The following CDC20B variants were observed in gnomAD, a reference collection of about 807,000 sequenced individuals.
The protein encoded by CDC20B is cell division cycle protein 20 homolog B.
Under a neutral mutation model 64.1 loss-of-function variants are expected in CDC20B, and 58 were observed. That is an observed-to-expected ratio of 0.90 (90% CI 0.73 to 1.13). The LOEUF is 1.13. Among genes scored for constraint, CDC20B ranks in the 50% most tolerant of loss-of-function variants. The pLI, the probability that CDC20B is intolerant of heterozygous loss-of-function variation, is 0.00. For synonymous variants in CDC20B, 243 were observed against 230.6 expected, an observed-to-expected ratio of 1.05 and a Z score of -0.49; for missense variants, 597 against 633.0, an observed-to-expected ratio of 0.94 and a Z score of 0.61.
intron 2 of CDC20B, among the ~76,000 whole-genome samples, chr5:55,150,874 T>C (rs1038745986): frequency 1.3e-5 from 2 of 152,080 alleles, no homozygotes; most frequent in Admixed American, 1.3e-4. Context: ...AGCTCACCAG[T>C]AGCTGGGACT....
intron 2 of CDC20B, among the ~76,000 whole-genome samples, chr5:55,156,996 G>A (rs1325001111): frequency 6.6e-6 from 1 of 152,184 alleles, no homozygotes; most frequent in Non-Finnish European, 1.5e-5. Context: ...ACAGTTGCAT[G>A]AGGCTGGCTC....
chr5:55,124,821 G>C lies in CDC20B; in HGVS notation c.1197C>G (p.Thr399=). 1 of 1,614,038 alleles carries C rather than the reference G, an allele frequency of 6.2e-7. No homozygotes were observed. The highest frequency in any genetic ancestry group is 8.5e-7 in the Non-Finnish European group (1 of 1,179,926). ...TTCTTACCTTGACTGCCGTAGACTG[G>C]GTTATGACTTTCAGCGGTTGGCCCT... is the stretch of plus-strand genomic sequence containing the variant. The part of the protein sequence containing the change: ...SAQGQPLKVI[T]QSTAVKAMDW... Residue 399 remains threonine (T), a synonymous_variant, in exon 9 of 12, where the codon ACC becomes ACG. Transcript: ENST00000381375.
chr5:55,164,401 A>AT (rs1023996687), intron 2 of CDC20B: 463 of 377,412 alleles, frequency 1.2e-3, no homozygotes, highest in East Asian at 1.7e-3. Flanking sequence ...GCAATGAAGG[A>AT]TTTTTTTTTA....
At chr5:55,125,300 C>T (rs752260258) in intron 8 of CDC20B, among the ~76,000 whole-genome samples, 18 of 152,080 alleles carry the variant, frequency 1.2e-4, no homozygotes, top group Admixed American at 3.3e-4. Flanking sequence ...ATGTAAGCAG[C>T]GATGGAAAAA....
intron 2 of CDC20B, among the ~76,000 whole-genome samples, chr5:55,147,108 T>G (rs1360812928): frequency 1.4e-5 from 2 of 145,444 alleles, no homozygotes; most frequent in African/African-American, 2.5e-5. Flanking sequence ...TTTTATATAT[T>G]TATATATTAT....
chr5:55,121,512 A>AT (rs1230113713), intron 9 of CDC20B, among the ~76,000 whole-genome samples: 15 of 151,612 alleles, frequency 9.9e-5, no homozygotes, highest in African/African-American at 1.9e-4. Flanking sequence ...GGAAAGGAGT[A>AT]TTTTTTTTGT....
chr5:55,145,712 G>A (rs995726142), intron 3 of CDC20B, among the ~76,000 whole-genome samples: 1 of 151,234 alleles, frequency 6.6e-6, no homozygotes. Flanking sequence ...TACTACTCTT[G>A]GAGGTTCTTC....
intron 4 of CDC20B, among the ~76,000 whole-genome samples, chr5:55,142,758 A>G (rs576369378): frequency 1.3e-5 from 2 of 152,336 alleles, no homozygotes; most frequent in East Asian, 1.9e-4. Context: ...ATGAGTTCAG[A>G]TAACTAAAAT....
Position 55,124,812 on chromosome 5 carries a change from C to A in CDC20B, c.1206G>T (p.Thr402=). The A allele has an allele frequency of 6.2e-7, 1 of 1,613,704 alleles. No homozygotes were observed. Among genetic ancestry groups the A allele is most frequent in the South Asian group, 1.1e-5 (1 of 91,048 alleles). ...CTATTGGGTTTCTTACCTTGACTGCCGTAGACTGGGTTATGACTTTCAGCG... is the reference window on the plus strand; with the variant it reads ...CTATTGGGTTTCTTACCTTGACTGCAGTAGACTGGGTTATGACTTTCAGCG... ...GQPLKVITQS[T]AVKAMDWCPW... The change falls in exon 9 of 12, where the codon ACG becomes ACT. Residue 402 remains threonine (T), a synonymous_variant. Transcript: ENST00000381375.
At chr5:55,171,425 A>G (rs890499889) in intron 2 of CDC20B, among the ~76,000 whole-genome samples, 131 of 152,364 alleles carry the variant, frequency 8.6e-4, no homozygotes, top group African/African-American at 3.1e-3. Context: ...TCGTGATAAT[A>G]CATAAGCTGT....
chr5:55,164,588 G>C (rs1744281660), intron 2 of CDC20B: 2 of 154,752 alleles, frequency 1.3e-5, no homozygotes, highest in Admixed American at 1.3e-4. Context: ...TGTTCAACTT[G>C]ACATTTTCTA....
Position 55,140,396 on chromosome 5 carries a change from T to C in CDC20B, c.498A>G (p.Lys166=), listed in dbSNP as rs374792016. 2.2e-5 allele frequency: 36 copies of C among 1,610,968 alleles called. No individual in the cohort carries two copies. Among genetic ancestry groups the C allele is most frequent in the Non-Finnish European group, 2.9e-5 (34 of 1,178,344 alleles). The change falls in exon 5 of 12, where the codon AAA becomes AAG. Residue 166 remains lysine, a synonymous_variant. Coordinates refer to ENST00000381375, the MANE Select transcript of CDC20B (RefSeq NM_001170402.1). The part of the protein sequence containing the change: ...SVASKGQKCL[K]QLFVTQNVVQ... ...CCACGTTCTGGGTTACAAAGAGTTG[T>C]TTTAGGCATTTCTGAAAATAAACAC...
intron 2 of CDC20B, among the ~76,000 whole-genome samples, chr5:55,155,109 A>G (rs918369112): frequency 1.3e-5 from 2 of 152,204 alleles, no homozygotes; most frequent in Non-Finnish European, 1.5e-5. Flanking sequence ...AGTAAGACAA[A>G]GAAGGGAAAA....
Position 55,146,819 on chromosome 5 carries a change from T to A in CDC20B, c.164A>T (p.Lys55Met). The stretch of plus-strand genomic sequence containing the variant: ...GGACAGCCTCTTCGCAAAGTTGCTC[T>A]TAAAGTCAGAATACGTAGCATTAAC... Reference protein sequence around the residue: ...DSVNATYSDFKSNFAKRLSAE... With the variant: ...DSVNATYSDFMSNFAKRLSAE... Residue 55 changes from lysine to methionine, a missense_variant, in exon 3 of 12, where the codon AAG becomes ATG. Lys to Met is a moderately conservative substitution (Grantham distance 95). Coordinates refer to ENST00000381375, the MANE Select transcript of CDC20B (RefSeq NM_001170402.1). 6.2e-7 allele frequency: 1 copy of A among 1,614,156 alleles called. No individual in the cohort carries two copies. Among genetic ancestry groups the A allele is most frequent in the East Asian group, 2.2e-5 (1 of 44,884 alleles).
Position 55,119,836 on chromosome 5 carries a change from G to T in CDC20B, c.1424C>A (p.Thr475Asn). The T allele has an allele frequency of 6.2e-7, 1 of 1,613,936 alleles. No homozygotes were observed. Among genetic ancestry groups the T allele is most frequent in the South Asian group, 1.1e-5 (1 of 91,080 alleles). ...GTPKNDVTVW[T>N]CPTVSRSGGF... is the part of the protein sequence containing the mutation. The stretch of plus-strand genomic sequence containing the variant: ...ACCTGACCTGGACACAGTGGGACAG[G>T]TCCACACAGTCACATCATTCTTGGG... Residue 475 changes from threonine to asparagine, a missense_variant, in exon 11 of 12, where the codon ACC becomes AAC. Transcript: ENST00000381375.
chr5:55,165,275 C>T (rs1020531291), intron 2 of CDC20B: 2 of 152,168 alleles, frequency 1.3e-5, no homozygotes, highest in African/African-American at 4.8e-5. Context: ...CTCCCAAAGT[C>T]ATGACCTTTA....
At chr5:55,139,116 A>G (rs1448977990) in intron 5 of CDC20B, among the ~76,000 whole-genome samples, 1 of 152,082 alleles carries the variant, frequency 6.6e-6, no homozygotes, top group East Asian at 1.9e-4. Flanking sequence ...GTGATAAAAG[A>G]CTTTTCTAAG....
intron 4 of CDC20B, among the ~76,000 whole-genome samples, chr5:55,141,314 A>G (rs1443093169): frequency 2.0e-5 from 3 of 152,208 alleles, no homozygotes; most frequent in Non-Finnish European, 4.4e-5. Flanking sequence ...TCTGGGCACG[A>G]GCAAGCCAAG....
chr5:55,124,973 C>T lies in CDC20B; in HGVS notation c.1045G>A (p.Val349Ile), dbSNP rs1238931763. The change falls in exon 9 of 12, where the codon GTT becomes ATT. Residue 349 changes from valine (V) to isoleucine (I), a missense_variant. This residue lies in a region of CDC20B where 353 missense variants were observed against 397.0 expected (regional missense o/e 0.89). Transcript: ENST00000381375. ...GCTTGCTTGTGGCGAAGTGTTCCAA[C>T]ATGATGCTGGGCTACCCGAACATCG... ...HHDVRVAQHH[V>I]GTLRHKQAVC... is the part of the protein sequence containing the mutation. 1 of 1,614,180 alleles carries T rather than the reference C, an allele frequency of 6.2e-7. No individual in the cohort carries two copies.
Sources: allele counts gnomAD v4.1 joint callset (sites outside exome capture counted in the v4.1 genomes callset), GRCh38; gene constraint gnomAD v4.1.1; regional missense constraint gnomAD v4.1.1; transcripts MANE v1.5; gene names NCBI Gene and HGNC (gene_info 2026-07-23, HGNC 2026-07-21).